Variants in NPAS4 observed in about 807,000 individuals in gnomAD.
NPAS4 encodes the protein neuronal PAS domain-containing protein 4.
A neutral mutation model predicts 64.0 loss-of-function variants in NPAS4; 10 were observed. The ratio of observed to expected loss-of-function variants is 0.16; its 90% CI spans 0.10 to 0.26. NPAS4 has a LOEUF of 0.26. NPAS4 is among the 10% of genes least tolerant of loss of function. The pLI, the probability that NPAS4 is intolerant of heterozygous loss-of-function variation, is 1.00. For synonymous variants in NPAS4, 441 were observed against 411.7 expected, an observed-to-expected ratio of 1.07 and a Z score of -0.86; for missense variants, 886 against 992.6, an observed-to-expected ratio of 0.89 and a Z score of 1.44.
At chr11:66,410,304 TTGA>T in the NPAS4 span, 2 of 152,376 alleles carry the variant, frequency 1.3e-5, no homozygotes, top group Non-Finnish European at 2.9e-5. Context: ...CAAGCAGCAC[TTGA>T]GGGCTCCGAG....
upstream of NPAS4, among the ~76,000 whole-genome samples, chr11:66,417,961 C>A (rs957889468): frequency 2.0e-5 from 3 of 152,164 alleles, no homozygotes; most frequent in African/African-American, 4.8e-5. Context: ...ACACAGGACA[C>A]ACAAACACAG....
In NPAS4 at chr11:66,422,849, TCCTGGCCCTGGC is replaced by T. The variant is rs770959565; in HGVS notation, c.617_628del (p.Gly206_Pro209del). ...CTCTGGAGCCGAGACCCCGCCCAGGTCCTGGCCCTGGCCCTGGCCCTGCCTCGCTCTTCCTGG... is the reference window on the plus strand; with the variant it reads ...CTCTGGAGCCGAGACCCCGCCCAGGTCCTGGCCCTGCCTCGCTCTTCCTGG... On this transcript the variant is annotated inframe_deletion, in exon 4 of 8. Coordinates refer to ENST00000311034, the MANE Select transcript of NPAS4 (RefSeq NM_178864.4). 1.6e-5 allele frequency: 26 copies of T among 1,613,452 alleles called. No individual in the cohort carries two copies. The Admixed American group carries it at 2.7e-4, about 17-fold the overall frequency.
chr11:66,417,487 G>A (rs1856684345), upstream of NPAS4, among the ~76,000 whole-genome samples: 1 of 152,128 alleles, frequency 6.6e-6, no homozygotes, highest in South Asian at 2.1e-4. Flanking sequence ...TTTCCTCCAT[G>A]TTTTTACTAG....
At position 66,422,141 on chromosome 11, in the gene NPAS4, C is replaced by A. The variant is rs765449671; in HGVS notation, c.197C>A (p.Thr66Lys). The change falls in exon 2 of 8, where the codon ACG becomes AAG. Residue 66 changes from threonine to lysine, a missense_variant. Thr to Lys is a moderately conservative substitution (Grantham distance 78). Coordinates refer to ENST00000311034, the MANE Select transcript of NPAS4 (RefSeq NM_178864.4). ...FAGGTPLAGP[T>K]GLLSAQELED... is the part of the protein sequence containing the mutation. ...ACAGGCACTCCTCTGGCGGGCCCCA[C>A]GGGGCTTCTCTCAGCTCAAGAGCTT... The A allele has an allele frequency of 3.1e-6, 5 of 1,614,038 alleles. No homozygotes were observed. Among genetic ancestry groups the A allele is most frequent in the South Asian group, 1.1e-5 (1 of 91,086 alleles).
chr11:66,411,029 G>T, the NPAS4 span: 1 of 152,484 alleles, frequency 6.6e-6, no homozygotes, highest in Non-Finnish European at 1.5e-5. Flanking sequence ...CAACGGGTTG[G>T]GTGGAAGAAG....
Position 66,422,229 on chromosome 11 carries a change from C to T in NPAS4, c.285C>T (p.Leu95=). The part of the protein sequence containing the change: ...LLVFTAEGKL[L]YLSESVSEHL... ...TGTTCACAGCCGAGGGGAAATTGCT[C>T]TACCTGTCTGAGAGTGTGAGCGAGC... The change falls in exon 2 of 8, where the codon CTC becomes CTT. Residue 95 remains leucine (L), a synonymous_variant. Coordinates refer to ENST00000311034, the MANE Select transcript of NPAS4 (RefSeq NM_178864.4). 6.2e-7 allele frequency: 1 copy of T among 1,614,076 alleles called. No individual in the cohort carries two copies. The highest frequency in any genetic ancestry group is 8.5e-7 in the Non-Finnish European group (1 of 1,180,020).
chr11:66,420,054 G>T (rs1303553164), upstream of NPAS4, among the ~76,000 whole-genome samples: 1 of 152,202 alleles, frequency 6.6e-6, no homozygotes, highest in Non-Finnish European at 1.5e-5. Context: ...ATGGAGCTGG[G>T]ATTCCCCCGG....
chr11:66,422,512 C>T lies in NPAS4; in HGVS notation c.389C>T (p.Thr130Ile), dbSNP rs757778610. 1 of 1,614,090 alleles carries T rather than the reference C, an allele frequency of 6.2e-7. No homozygotes were observed. Among genetic ancestry groups the T allele is most frequent in the East Asian group, 2.2e-5 (1 of 44,870 alleles). Residue 130 changes from threonine to isoleucine, a missense_variant, in exon 3 of 8, where the codon ACT (threonine) becomes ATT (isoleucine). Transcript: ENST00000311034. ...ATCATTGACCCAGCTGACCACCTCA[C>T]TGTGCGCCAGCAACTCACCCTGCCC... is the stretch of plus-strand genomic sequence containing the variant. The part of the protein sequence containing the change: ...YDIIDPADHL[T>I]VRQQLTLPSA...
At chr11:66,420,592 C>T (rs796972957), upstream of NPAS4, among the ~76,000 whole-genome samples, 60 of 152,348 alleles carry the variant, frequency 3.9e-4, no homozygotes, top group African/African-American at 8.9e-4. Flanking sequence ...GTAGACAACC[C>T]TGTTCTTCCC....
At chr11:66,412,569 T>C in the NPAS4 span, among the ~76,000 whole-genome samples, 8 of 152,238 alleles carry the variant, frequency 5.3e-5, no homozygotes, top group African/African-American at 1.9e-4. Context: ...GTTAAGATAA[T>C]GACCAACATT....
chr11:66,421,912 C>A (rs1341276158), intron 1 of NPAS4, among the ~76,000 whole-genome samples: 2 of 152,206 alleles, frequency 1.3e-5, no homozygotes, highest in African/African-American at 4.8e-5. Flanking sequence ...GGAGCCGACC[C>A]CGCTTTAGAA....
rs138708121 is a variant in NPAS4 at position 66,424,369 on chromosome 11, G to A, written c.1479G>A (p.Ser493=). ...TGCAAGGCCAGTTGACTGAAACCTCGGTCAGAAGCTATGAAGACCAGTTGA... is the reference window on the plus strand; with the variant it reads ...TGCAAGGCCAGTTGACTGAAACCTCAGTCAGAAGCTATGAAGACCAGTTGA... ...SPLQGQLTET[S]VRSYEDQLTP... Residue 493 remains serine, a synonymous_variant, in exon 7 of 8, where the codon TCG becomes TCA. Transcript: ENST00000311034. 65 of 1,614,026 alleles carry A rather than the reference G, an allele frequency of 4.0e-5. No individual in the cohort carries two copies. The East Asian group carries it at 1.1e-3, about 28-fold the overall frequency.
chr11:66,418,563 G>A (rs1400187497), upstream of NPAS4, among the ~76,000 whole-genome samples: 1 of 152,074 alleles, frequency 6.6e-6, no homozygotes, highest in Non-Finnish European at 1.5e-5. Context: ...CAGAGTGGGC[G>A]AACTAGGATG....
At chr11:66,425,721 G>C (rs1377913812) in intron 7 of NPAS4, among the ~76,000 whole-genome samples, 1 of 152,144 alleles carries the variant, frequency 6.6e-6, no homozygotes, top group Non-Finnish European at 1.5e-5. Flanking sequence ...GAAAGACGAG[G>C]CTCAGCCCCT....
upstream of NPAS4, among the ~76,000 whole-genome samples, chr11:66,420,706 G>T (rs544835734): frequency 3.3e-5 from 5 of 152,284 alleles, no homozygotes; most frequent in East Asian, 1.9e-4. Context: ...TGGCCCTGTC[G>T]CTTCCCTCAA....
the NPAS4 span, among the ~76,000 whole-genome samples, chr11:66,415,698 A>C: frequency 6.6e-6 from 1 of 152,338 alleles, no homozygotes; most frequent in East Asian, 1.9e-4. Flanking sequence ...CACGTGGTGC[A>C]AAAGAGAAAG....
chr11:66,423,738 G>A, intron 6 of NPAS4, 25 bp downstream of exon 6: 2 of 1,613,774 alleles, frequency 1.2e-6, no homozygotes, highest in Non-Finnish European at 8.5e-7. Context: ...AGGGGACTAG[G>A]GGGCAGCTGA....
At position 66,422,080 on chromosome 11, in the gene NPAS4, C is replaced by T. The variant is rs372382993; in HGVS notation, c.176-40C>T. On this transcript the variant is annotated intron_variant, in intron 1 of 7. Coordinates refer to ENST00000311034, the MANE Select transcript of NPAS4 (RefSeq NM_178864.4). ...CCTTCCTCACTTCTTCTCTGCCTCC[C>T]AGTCTTACTCCTGACGCACTACGTC... is the stretch of plus-strand genomic sequence containing the variant. 1.0e-4 allele frequency: 159 copies of T among 1,592,468 alleles called. 1 individual carries two copies. The African/African-American group carries it at 2.1e-3, about 21-fold the overall frequency.
upstream of NPAS4, among the ~76,000 whole-genome samples, chr11:66,419,690 G>A (rs894772844): frequency 3.9e-5 from 6 of 152,074 alleles, no homozygotes; most frequent in Non-Finnish European, 7.4e-5. Context: ...GAAAAAAAGC[G>A]GGTGTGTGGG....
Sources: gnomAD v4.1 joint callset for allele counts (sites outside exome capture counted in the v4.1 genomes callset) on GRCh38, gnomAD v4.1.1 for gene constraint, MANE v1.5 for transcripts, NCBI Gene and HGNC (gene_info 2026-07-23, HGNC 2026-07-21) for gene names.